KHDRBS3: variants seen among roughly 807,000 people sequenced by gnomAD.
KHDRBS3 encodes KH domain-containing, RNA-binding, signal transduction-associated protein 3.
KHDRBS3 carries 23 observed loss-of-function variants against 45.6 expected under a neutral mutation model. The observed-to-expected ratio is 0.50, with a 90% confidence interval of 0.36 to 0.72. The LOEUF is 0.72. Among genes scored for constraint, KHDRBS3 ranks in the 30% least tolerant of loss-of-function variants. KHDRBS3 has a pLI of 0.00. For missense variants in KHDRBS3, 352 were observed against 424.8 expected, an observed-to-expected ratio of 0.83 and a Z score of 1.51; for synonymous variants, 162 against 156.5, an observed-to-expected ratio of 1.04 and a Z score of -0.26.
chr8:135,645,841 C>T (rs1831260032), intron 8 of KHDRBS3, among the ~76,000 whole-genome samples: 1 of 152,168 alleles, frequency 6.6e-6, no homozygotes, highest in Non-Finnish European at 1.5e-5. Flanking sequence ...CTGATGAATC[C>T]CTGGTACCCG....
At chr8:135,542,384 G>A (rs965046147) in intron 2 of KHDRBS3, 10 of 364,332 alleles carry the variant, frequency 2.7e-5, no homozygotes, top group Non-Finnish European at 4.0e-5. Context: ...TAGCAACCGA[G>A]GAATTCTGGG....
At chr8:135,625,501 CAG>C in intron 7 of KHDRBS3, 1 of 801,534 alleles carries the variant, frequency 1.2e-6, no homozygotes, top group South Asian at 1.4e-5. Flanking sequence ...AGATGGGCCT[CAG>C]GGGAGCTGCA....
At chr8:135,562,243 G>A (rs891815194) in intron 5 of KHDRBS3, among the ~76,000 whole-genome samples, 3 of 152,070 alleles carry the variant, frequency 2.0e-5, no homozygotes, top group Admixed American at 1.3e-4. Context: ...ATATTGTCAT[G>A]TCTCCATCTT....
chr8:135,631,545 A>G (rs1830605633), intron 7 of KHDRBS3, among the ~76,000 whole-genome samples: 1 of 152,032 alleles, frequency 6.6e-6, no homozygotes, highest in Admixed American at 6.6e-5. Flanking sequence ...CTTGTCTTCT[A>G]CCTCCACATC....
intron 7 of KHDRBS3, among the ~76,000 whole-genome samples, chr8:135,620,279 T>A (rs1830084381): frequency 6.6e-6 from 1 of 152,104 alleles, no homozygotes; most frequent in South Asian, 2.1e-4. Context: ...TTTCGTATTT[T>A]TTTTAGAGAC....
chr8:135,564,838 G>A (rs1022663300), intron 5 of KHDRBS3, among the ~76,000 whole-genome samples: 1 of 151,990 alleles, frequency 6.6e-6, no homozygotes, highest in Non-Finnish European at 1.5e-5. Context: ...TTCATTAGCA[G>A]GATCTTTTCT....
chr8:135,535,305 A>ATACCTGTT, intron 2 of KHDRBS3, among the ~76,000 whole-genome samples: 3 of 98,654 alleles, frequency 3.0e-5, no homozygotes, highest in African/African-American at 1.2e-4. Context: ...TATATAGTTA[A>ATACCTGTT]ACTATATATA....
At chr8:135,511,467 G>A (rs1824278731) in intron 1 of KHDRBS3, among the ~76,000 whole-genome samples, 1 of 151,860 alleles carries the variant, frequency 6.6e-6, no homozygotes, top group Admixed American at 6.6e-5. Context: ...ATTTTCTCGT[G>A]TGTATGTTTT....
intron 2 of KHDRBS3, among the ~76,000 whole-genome samples, chr8:135,529,663 G>T (rs1207259867): frequency 2.0e-5 from 3 of 152,044 alleles, no homozygotes; most frequent in Non-Finnish European, 4.4e-5. Flanking sequence ...TTAAAAATTT[G>T]ATTATAATCC....
chr8:135,617,322 C>T (rs886393109), intron 7 of KHDRBS3, among the ~76,000 whole-genome samples: 2 of 150,612 alleles, frequency 1.3e-5, no homozygotes, highest in African/African-American at 2.4e-5. Context: ...CTCTGTCTCA[C>T]GCTGGCATAC....
chr8:135,520,824 T>A (rs1824868258), intron 1 of KHDRBS3, among the ~76,000 whole-genome samples: 1 of 152,176 alleles, frequency 6.6e-6, no homozygotes, highest in East Asian at 1.9e-4. Context: ...TAGAATCAGT[T>A]CTTGGTTGTA....
At chr8:135,489,216 C>T in intron 1 of KHDRBS3, among the ~76,000 whole-genome samples, 1 of 152,130 alleles carries the variant, frequency 6.6e-6, no homozygotes, top group Non-Finnish European at 1.5e-5. Context: ...TAGCTAGACT[C>T]TAAACCCCAA....
intron 1 of KHDRBS3, among the ~76,000 whole-genome samples, chr8:135,480,781 A>G (rs1822523370): frequency 6.6e-6 from 1 of 152,158 alleles, no homozygotes; most frequent in African/African-American, 2.4e-5. Context: ...TGTCGTAGTC[A>G]TTTTCTTAAG....
At chr8:135,520,329 C>T (rs1169219699) in intron 1 of KHDRBS3, among the ~76,000 whole-genome samples, 2 of 152,202 alleles carry the variant, frequency 1.3e-5, no homozygotes, top group Admixed American at 6.5e-5. Context: ...ATTCATTCAG[C>T]ATTCATGCAA....
intron 2 of KHDRBS3, chr8:135,538,904 T>G (rs974333644): frequency 1.3e-5 from 2 of 152,162 alleles, no homozygotes; most frequent in Non-Finnish European, 2.9e-5. Flanking sequence ...ATGACTAGCT[T>G]GAAGGATTTT....
At chr8:135,651,123 A>G (rs1348351063), downstream of KHDRBS3, among the ~76,000 whole-genome samples, 1 of 152,080 alleles carries the variant, frequency 6.6e-6, no homozygotes, top group African/African-American at 2.4e-5. Flanking sequence ...GAAGGGGCCC[A>G]TGGAGATATT....
intron 1 of KHDRBS3, among the ~76,000 whole-genome samples, chr8:135,491,920 T>A (rs1242264486): frequency 7.0e-6 from 1 of 142,840 alleles, no homozygotes; most frequent in African/African-American, 2.5e-5. Flanking sequence ...TTTCACTGCC[T>A]GGTGCCAACT....
chr8:135,534,472 C>T (rs994917597), intron 2 of KHDRBS3, among the ~76,000 whole-genome samples: 1 of 152,170 alleles, frequency 6.6e-6, no homozygotes, highest in Non-Finnish European at 1.5e-5. Context: ...CTGTTCTAGA[C>T]AGTCATTGAG....
intron 1 of KHDRBS3, among the ~76,000 whole-genome samples, chr8:135,462,163 G>T (rs2130094962): frequency 6.6e-6 from 1 of 151,146 alleles, no homozygotes; most frequent in South Asian, 2.1e-4. Context: ...TATAGTTTGT[G>T]ATTTTCTGTT....
Sources: gnomAD v4.1 joint callset for allele counts (sites outside exome capture counted in the v4.1 genomes callset) on GRCh38, gnomAD v4.1.1 for gene constraint, MANE v1.5 for transcripts, NCBI Gene and HGNC (gene_info 2026-07-23, HGNC 2026-07-21) for gene names.